FSTL5: variants seen among roughly 807,000 people sequenced by gnomAD.
The protein encoded by FSTL5 is follistatin-related protein 5.
In FSTL5, 62 loss-of-function variants were observed where a neutral mutation model predicts 89.1. The observed-to-expected ratio is 0.70, with a 90% CI of 0.57 to 0.86. FSTL5 has a LOEUF of 0.86. Among genes scored for constraint, FSTL5 ranks in the 40% least tolerant of loss-of-function variants. The probability of loss-of-function intolerance (pLI) is 0.00; values close to 1 mark genes in which losing one functional copy is unlikely to be tolerated. For synonymous variants in FSTL5, 383 were observed against 346.2 expected (o/e 1.11, Z -1.18); for missense variants, 1,057 against 1,001.6 (o/e 1.06, Z -0.75).
chr4:161,534,212 A>G (rs1034537350), intron 10 of FSTL5, among the ~76,000 whole-genome samples: 1 of 152,148 alleles, frequency 6.6e-6, no homozygotes, highest in African/African-American at 2.4e-5. Context: ...TCAACATAGT[A>G]CTGGAAGTCC....
intron 4 of FSTL5, among the ~76,000 whole-genome samples, chr4:161,872,281 T>G (rs148910453): frequency 1.5e-3 from 226 of 152,118 alleles, no homozygotes; most frequent in African/African-American, 5.0e-3. Flanking sequence ...TAAAGTTAAC[T>G]TTTCAACTGC....
intron 7 of FSTL5, among the ~76,000 whole-genome samples, chr4:161,619,110 A>G (rs908653705): frequency 3.3e-4 from 50 of 152,310 alleles, no homozygotes; most frequent in African/African-American, 1.2e-3. Flanking sequence ...TATTTAATAA[A>G]TGGTGCTGGG....
At chr4:161,419,899 A>G (rs962763928) in intron 15 of FSTL5, among the ~76,000 whole-genome samples, 1 of 152,184 alleles carries the variant, frequency 6.6e-6, no homozygotes, top group African/African-American at 2.4e-5. Context: ...AAGACACAAT[A>G]ACCATTCAGC....
At chr4:161,767,736 A>G (rs1438337511) in intron 5 of FSTL5, among the ~76,000 whole-genome samples, 1 of 152,176 alleles carries the variant, frequency 6.6e-6, no homozygotes, top group Non-Finnish European at 1.5e-5. Context: ...TAGATGAAAT[A>G]GGACGATTCA....
intron 3 of FSTL5, among the ~76,000 whole-genome samples, chr4:161,969,431 G>A (rs148996130): frequency 0.011 from 1,616 of 152,150 alleles, 21 homozygotes; most frequent in Middle Eastern, 0.017. Context: ...CCATGTAAAA[G>A]AATTAGATGT....
At chr4:161,403,524 T>C (rs576050308) in intron 15 of FSTL5, among the ~76,000 whole-genome samples, 114 of 152,366 alleles carry the variant, frequency 7.5e-4, no homozygotes, top group African/African-American at 2.7e-3. Flanking sequence ...ATGCTATTGT[T>C]AATCTGTGTT....
intron 7 of FSTL5, among the ~76,000 whole-genome samples, chr4:161,624,589 T>C (rs1735249745): frequency 6.6e-6 from 1 of 151,858 alleles, no homozygotes; most frequent in Non-Finnish European, 1.5e-5. Flanking sequence ...CTTTAATACA[T>C]GATTGTAAAT....
chr4:161,573,373 G>C (rs1220014893), intron 8 of FSTL5, among the ~76,000 whole-genome samples: 2 of 141,698 alleles, frequency 1.4e-5, no homozygotes, highest in African/African-American at 2.6e-5. Context: ...TTGCACAACT[G>C]TCCCTGATTC....
At chr4:161,789,875 A>T (rs1419710812) in intron 4 of FSTL5, among the ~76,000 whole-genome samples, 1 of 152,202 alleles carries the variant, frequency 6.6e-6, no homozygotes, top group Non-Finnish European at 1.5e-5. Context: ...AGTATGTAAA[A>T]TGAAAAGGTA....
At chr4:161,865,200 G>A (rs1732042897) in intron 4 of FSTL5, among the ~76,000 whole-genome samples, 2 of 151,960 alleles carry the variant, frequency 1.3e-5, no homozygotes, top group Non-Finnish European at 2.9e-5. Context: ...ATGCTCAGAA[G>A]ACAACCACAA....
chr4:161,703,329 T>G (rs1238094481), intron 6 of FSTL5, among the ~76,000 whole-genome samples: 1 of 152,096 alleles, frequency 6.6e-6, no homozygotes. Flanking sequence ...CTCATGCCTC[T>G]CTCCCTTTAA....
At chr4:162,052,718 C>T (rs1029820087) in intron 2 of FSTL5, among the ~76,000 whole-genome samples, 4 of 151,618 alleles carry the variant, frequency 2.6e-5, no homozygotes, top group Admixed American at 1.3e-4. Context: ...ATTAAGCAAA[C>T]GCGTGTGACA....
intron 1 of FSTL5, among the ~76,000 whole-genome samples, chr4:162,150,321 T>G (rs1205328667): frequency 1.3e-5 from 2 of 152,136 alleles, no homozygotes; most frequent in Non-Finnish European, 2.9e-5. Flanking sequence ...CATGTGTGCT[T>G]CCTGTCTGAG....
chr4:161,933,218 C>T (rs1268099841), intron 3 of FSTL5, among the ~76,000 whole-genome samples: 2 of 152,110 alleles, frequency 1.3e-5, no homozygotes, highest in African/African-American at 2.4e-5. Flanking sequence ...TGGTCTTTGC[C>T]GGTTTTCTCT....
intron 4 of FSTL5, among the ~76,000 whole-genome samples, chr4:161,863,763 A>T (rs1227655901): frequency 1.3e-5 from 2 of 152,154 alleles, no homozygotes; most frequent in Non-Finnish European, 2.9e-5. Context: ...ACGGCTACAG[A>T]CCTGCCACCA....
intron 3 of FSTL5, among the ~76,000 whole-genome samples, chr4:162,022,127 A>G (rs1002464320): frequency 3.9e-5 from 6 of 151,944 alleles, no homozygotes; most frequent in African/African-American, 1.4e-4. Context: ...TAATGGGTAC[A>G]ATGTAGACTA....
chr4:161,677,652 C>T (rs538506410), intron 6 of FSTL5, among the ~76,000 whole-genome samples: 8 of 151,890 alleles, frequency 5.3e-5, no homozygotes, highest in Admixed American at 2.0e-4. Flanking sequence ...AAGAGTGTTC[C>T]TCTTCTCTAA....
intron 2 of FSTL5, among the ~76,000 whole-genome samples, chr4:162,049,540 TG>T (rs1174632130): frequency 6.6e-6 from 1 of 152,166 alleles, no homozygotes; most frequent in African/African-American, 2.4e-5. Context: ...TTGCATCATG[TG>T]GGAGATCAGA....
intron 5 of FSTL5, among the ~76,000 whole-genome samples, chr4:161,769,910 A>G (rs1259508557): frequency 6.6e-6 from 1 of 151,804 alleles, no homozygotes; most frequent in African/African-American, 2.4e-5. Context: ...AAAAAAACCT[A>G]AAGACTCCAC....
Sources: allele counts gnomAD v4.1 joint callset (sites outside exome capture counted in the v4.1 genomes callset), GRCh38; gene constraint gnomAD v4.1.1; transcripts MANE v1.5; gene names NCBI Gene and HGNC (gene_info 2026-07-23, HGNC 2026-07-21).